PRIM2: variants seen among roughly 807,000 people sequenced by gnomAD.
PRIM2 encodes DNA primase subunit 2, also known as DNA primase large subunit.
PRIM2 carries 39 observed loss-of-function variants against 67.3 expected under a neutral mutation model. That is an observed-to-expected ratio of 0.58 (90% CI 0.45 to 0.76). The LOEUF (loss-of-function observed/expected upper bound fraction) is 0.76. Ranked by LOEUF, PRIM2 falls within the 30% of genes least tolerant of loss-of-function variation. The pLI, the probability that PRIM2 is intolerant of heterozygous loss-of-function variation, is 0.00. For missense variants in PRIM2, 398 were observed against 598.7 expected (o/e 0.66, Z 3.50); for synonymous variants, 143 against 198.7 (o/e 0.72, Z 2.36).
At chr6:57,249,064 C>T in the PRIM2 span, among the ~76,000 whole-genome samples, 1 of 152,180 alleles carries the variant, frequency 6.6e-6, no homozygotes, top group African/African-American at 2.4e-5. Context: ...ATTTAGTTAG[C>T]TTTGAACCAT....
intron 11 of PRIM2, among the ~76,000 whole-genome samples, chr6:57,603,611 G>A (rs1776509568): frequency 2.0e-5 from 3 of 151,968 alleles, no homozygotes. Context: ...GAGTTAGGTA[G>A]AGTGATGCCT....
At chr6:57,506,527 G>A (rs1184384803) in intron 7 of PRIM2, among the ~76,000 whole-genome samples, 1 of 151,944 alleles carries the variant, frequency 6.6e-6, no homozygotes, top group African/African-American at 2.4e-5. Context: ...TGATTGATTA[G>A]TAAAATATGA....
chr6:57,508,416 T>C (rs1554347412), intron 8 of PRIM2, among the ~76,000 whole-genome samples: 2 of 152,236 alleles, frequency 1.3e-5, no homozygotes, highest in African/African-American at 2.4e-5. Context: ...ATCTGTACTA[T>C]AGCATATTTA....
At chr6:57,267,057 T>A in the PRIM2 span, among the ~76,000 whole-genome samples, 1 of 152,174 alleles carries the variant, frequency 6.6e-6, no homozygotes. Flanking sequence ...GAAAGACAAA[T>A]GTCTTGATAT....
intron 5 of PRIM2, among the ~76,000 whole-genome samples, chr6:57,329,717 G>A (rs969129079): frequency 6.6e-6 from 1 of 152,136 alleles, no homozygotes; most frequent in Non-Finnish European, 1.5e-5. Context: ...CCCCAGACAC[G>A]CAGAGGGCTC....
At chr6:57,486,086 A>G (rs1773745938) in intron 7 of PRIM2, among the ~76,000 whole-genome samples, 1 of 152,178 alleles carries the variant, frequency 6.6e-6, no homozygotes, top group African/African-American at 2.4e-5. Flanking sequence ...GGAATTCCAA[A>G]GAGTAAAGGT....
At chr6:57,510,273 A>C (rs1581961207) in intron 8 of PRIM2, among the ~76,000 whole-genome samples, 1 of 152,198 alleles carries the variant, frequency 6.6e-6, no homozygotes. Flanking sequence ...AATACAAGTT[A>C]TATTAGTGAA....
At chr6:57,312,623 A>G (rs1011274888), upstream of PRIM2, among the ~76,000 whole-genome samples, 3 of 152,252 alleles carry the variant, frequency 2.0e-5, no homozygotes, top group African/African-American at 7.2e-5. Flanking sequence ...TAAAATATAC[A>G]TAACACAAAA....
chr6:57,378,951 C>T (rs1356535374), intron 5 of PRIM2, among the ~76,000 whole-genome samples: 2 of 145,214 alleles, frequency 1.4e-5, no homozygotes, highest in Non-Finnish European at 3.0e-5. Context: ...ATAAATAACA[C>T]TGTAATAAAG....
intron 5 of PRIM2, among the ~76,000 whole-genome samples, chr6:57,374,307 T>TTTATTTA (rs1562718660): frequency 8.7e-4 from 46 of 52,954 alleles, no homozygotes; most frequent in African/African-American, 2.9e-3. Flanking sequence ...TTATTTATTT[T>TTTATTTA]TTTTGAGACG....
the PRIM2 span, among the ~76,000 whole-genome samples, chr6:57,246,857 C>CTT: frequency 7.1e-5 from 10 of 140,336 alleles, no homozygotes; most frequent in African/African-American, 2.7e-4. Flanking sequence ...GACTTAATTT[C>CTT]TTTTTTTTTT....
At chr6:57,484,353 C>T (rs1406914063) in intron 7 of PRIM2, among the ~76,000 whole-genome samples, 12,900 of 152,144 alleles carry the variant, frequency 0.085, 586 homozygotes, top group Admixed American at 0.11. Context: ...GTTTATGCTG[C>T]TGTTAGCTGT....
intron 8 of PRIM2, among the ~76,000 whole-genome samples, chr6:57,522,244 A>G (rs1774639843): frequency 6.6e-6 from 1 of 152,196 alleles, no homozygotes; most frequent in Non-Finnish European, 1.5e-5. Context: ...TACAGCCTGT[A>G]TTTTGTTTAT....
the PRIM2 span, among the ~76,000 whole-genome samples, chr6:57,245,090 C>G: frequency 6.6e-6 from 1 of 152,126 alleles, no homozygotes; most frequent in Non-Finnish European, 1.5e-5. Flanking sequence ...GCCTTCCTCT[C>G]TCCACTGTTT....
At chr6:57,473,426 C>T (rs1257980238) in intron 7 of PRIM2, among the ~76,000 whole-genome samples, 2 of 152,136 alleles carry the variant, frequency 1.3e-5, no homozygotes, top group Non-Finnish European at 2.9e-5. Context: ...CCCAGCTGTT[C>T]TTTAGATTAA....
At chr6:57,471,782 A>G (rs1362365781) in intron 7 of PRIM2, among the ~76,000 whole-genome samples, 4 of 152,078 alleles carry the variant, frequency 2.6e-5, no homozygotes, top group Admixed American at 2.0e-4. Context: ...TTTTCCTCTG[A>G]AAAAAAATGA....
the PRIM2 span, among the ~76,000 whole-genome samples, chr6:57,251,705 A>G: frequency 3.5e-4 from 54 of 152,348 alleles, no homozygotes; most frequent in Admixed American, 9.1e-4. Context: ...TTATTCAGGC[A>G]GACATTTTTA....
intron 7 of PRIM2, among the ~76,000 whole-genome samples, chr6:57,384,996 A>G (rs564505873): frequency 6.6e-6 from 1 of 152,364 alleles, no homozygotes; most frequent in South Asian, 2.1e-4. Context: ...AAATGTAAAA[A>G]AAATTTTACA....
chr6:57,587,664 C>CAAAAAAA (rs1157172882), intron 10 of PRIM2, among the ~76,000 whole-genome samples: 42 of 54,242 alleles, frequency 7.7e-4, no homozygotes, highest in Non-Finnish European at 8.8e-4. Context: ...GACTCTGTCT[C>CAAAAAAA]AAAAAAAAAA....
Sources: allele counts gnomAD v4.1 joint callset (sites outside exome capture counted in the v4.1 genomes callset), GRCh38; gene constraint gnomAD v4.1.1; transcripts MANE v1.5; gene names NCBI Gene and HGNC (gene_info 2026-07-23, HGNC 2026-07-21).